HDAC6: variants seen among roughly 807,000 people sequenced by gnomAD.
HDAC6 encodes the protein histone deacetylase 6, also known as protein deacetylase HDAC6.
HDAC6 carries 5 observed loss-of-function variants against 88.9 expected under a neutral mutation model. That is an observed-to-expected ratio of 0.06 (90% confidence interval 0.03 to 0.12). HDAC6 has a LOEUF of 0.12. Among genes scored for constraint, HDAC6 ranks in the 10% least tolerant of loss-of-function variants. The pLI is 1.00. For missense variants in HDAC6, 706 were observed against 1,014.4 expected (o/e 0.70, Z 4.13); for synonymous variants, 378 against 398.0 (o/e 0.95, Z 0.60).
At position 48,813,129 on chromosome X, in the gene HDAC6, G is replaced by A. The variant is rs182012626; in HGVS notation, c.807-1311G>A. Among the ~76,000 whole-genome samples the A allele has an allele frequency of 6.6e-3, 740 of 112,113 alleles. 8 individuals are homozygous for A. The highest frequency in any genetic ancestry group is 0.011 in the Non-Finnish European group (602 of 53,176). On this transcript the variant is annotated intron_variant, in intron 10 of 28. Transcript: ENST00000334136. ...TCGCCATGTTGGCCATGCTGGTCTCGAACTTCTGGCCTCTAGTGATCCGCC... is the reference window on the plus strand; with the variant it reads ...TCGCCATGTTGGCCATGCTGGTCTCAAACTTCTGGCCTCTAGTGATCCGCC...
upstream of HDAC6, chrX:48,801,738 T>G: frequency 3.3e-6 from 2 of 604,400 alleles, no homozygotes; most frequent in Non-Finnish European, 4.5e-6. Context: ...CCGCCGCTTG[T>G]GAGCTCGCGA....
chrX:48,821,445 C>G (rs1388647165), intron 23 of HDAC6, among the ~76,000 whole-genome samples: 1 of 106,482 alleles, frequency 9.4e-6, no homozygotes, highest in African/African-American at 3.4e-5. Context: ...CCTGCCTCAG[C>G]CTCCCAAAGT....
Position 48,805,489 on chromosome X carries a change from G to A in HDAC6, c.363G>A (p.Gln121=). The change falls in exon 5 of 29, where the codon CAG becomes CAA. Residue 121 remains glutamine (Q), a synonymous_variant. Transcript: ENST00000334136. ...ATGCCATCAAGGAGCAACTGATCCA[G>A]GAGGGCCTCCTAGATCGCTGCGTGT... ...RLHAIKEQLI[Q]EGLLDRCVSF... is the part of the protein sequence containing the mutation. The A allele has an allele frequency of 8.3e-7, 1 of 1,210,524 alleles. No individual in the cohort carries two copies. The highest frequency in any genetic ancestry group is 1.1e-6 in the Non-Finnish European group (1 of 894,604).
chrX:48,805,974 C>T (rs1013845128), intron 6 of HDAC6: 1 of 396,043 alleles, frequency 2.5e-6, no homozygotes, highest in Non-Finnish European at 4.4e-6. Context: ...ACAGAGTGAT[C>T]GGGGTTCCCC....
intron 23 of HDAC6, among the ~76,000 whole-genome samples, chrX:48,821,544 C>G (rs1287455946): frequency 1.9e-3 from 192 of 101,947 alleles, no homozygotes; most frequent in Non-Finnish European, 3.3e-3. Context: ...GCCGTGTCAC[C>G]CAGGCTGGAG....
upstream of HDAC6, chrX:48,801,844 A>G: frequency 7.2e-6 from 7 of 971,609 alleles, no homozygotes; most frequent in Non-Finnish European, 9.3e-6. Flanking sequence ...CCAATGGAAA[A>G]GAAAAGCCTG....
At chrX:48,803,070 T>C in intron 3 of HDAC6, 58 bp from the exon 4 acceptor site, 1 of 1,184,389 alleles carries the variant, frequency 8.4e-7, no homozygotes, top group South Asian at 1.8e-5. Context: ...CCCTGGACAG[T>C]TCCCTCTGAC....
Position 48,824,947 on chromosome X carries a change from A to T in HDAC6, c.*335A>T. On this transcript the variant is annotated 3_prime_UTR_variant, in exon 29 of 29. Transcript: ENST00000334136. ...TAACTGGCAGGCATGGCAAGGTTGCATATGTAATAAAGTACAAGCTGTTAA... is the reference window on the plus strand; with the variant it reads ...TAACTGGCAGGCATGGCAAGGTTGCTTATGTAATAAAGTACAAGCTGTTAA... 1 of 1,037,799 alleles carries T rather than the reference A, an allele frequency of 9.6e-7. No individual in the cohort carries two copies. Among genetic ancestry groups the T allele is most frequent in the Non-Finnish European group, 1.3e-6 (1 of 798,910 alleles). The allele number at this position is 1,037,799 out of a possible 1,213,427, so 85.5% of individuals were successfully genotyped here.
At position 48,802,757 on chromosome X, in the gene HDAC6, C is replaced by T; in HGVS notation, c.65C>T (p.Ser22Leu). The T allele has an allele frequency of 8.3e-7, 1 of 1,208,482 alleles. No individual in the cohort carries two copies. The highest frequency in any genetic ancestry group is 1.1e-6 in the Non-Finnish European group (1 of 893,797). Reference protein sequence around the residue: ...RQRRSRQNPQSPPQDSSVTSK... With the variant: ...RQRRSRQNPQLPPQDSSVTSK... ...CGAAGAAGTAGGCAGAACCCCCAGT[C>T]GCCCCCTCAGGACTCCAGTGTCACT... Residue 22 changes from serine to leucine, a missense_variant, in exon 2 of 29, where the codon TCG becomes TTG. By Grantham distance (145) the Ser-to-Leu change is moderately radical (BLOSUM62 -2). This residue lies in a region of HDAC6 where 193 missense variants were observed against 258.2 expected (regional missense o/e 0.75). Transcript: ENST00000334136.
At chrX:48,813,941 C>T (rs1428751985) in intron 10 of HDAC6, 1 of 114,392 alleles carries the variant, frequency 8.7e-6, no homozygotes, top group Non-Finnish European at 1.8e-5. Flanking sequence ...TTAGCTGGCT[C>T]CCCGCAGCTA....
In HDAC6 at chrX:48,823,366, A is replaced by T. The variant is rs782690281; in HGVS notation, c.2967A>T (p.Thr989=). The change falls in exon 25 of 29, where the codon ACA becomes ACT. Residue 989 remains threonine, a synonymous_variant. Coordinates refer to ENST00000334136, the MANE Select transcript of HDAC6 (RefSeq NM_006044.4). ...CAGAGGAGGCTGTAGGAGGAGCTACACTGGCCCAGACCACCTCGGAGGCAG... is the reference window on the plus strand; with the variant it reads ...CAGAGGAGGCTGTAGGAGGAGCTACTCTGGCCCAGACCACCTCGGAGGCAG... ...TTSEEAVGGA[T]LAQTTSEAAM... 26 of 1,203,788 alleles carry T rather than the reference A, an allele frequency of 2.2e-5. No individual in the cohort carries two copies. The East Asian group carries it at 6.5e-4, about 30-fold the overall frequency.
At chrX:48,816,767 G>T in intron 19 of HDAC6, 134 bp downstream of exon 19, 1 of 487,194 alleles carries the variant, frequency 2.1e-6, no homozygotes, top group Non-Finnish European at 3.2e-6. Flanking sequence ...CACGGGAGGG[G>T]GTGGGCCTAG....
intron 19 of HDAC6, 120 bp from the exon 20 acceptor site, chrX:48,817,206 G>A (rs2063001831): frequency 1.2e-6 from 1 of 823,131 alleles, no homozygotes; most frequent in Non-Finnish European, 1.6e-6. Context: ...GAGCCGAGAT[G>A]GCGCCACTGC....
chrX:48,814,381 G>A (rs2075840), intron 10 of HDAC6, 59 bp from the exon 11 acceptor site: 237,814 of 1,161,927 alleles, frequency 0.2, 17,503 homozygotes, highest in South Asian at 0.34. Flanking sequence ...TGTTGGGTTG[G>A]GGGTGTCTAT....
chrX:48,823,723 G>T lies in HDAC6; in HGVS notation c.3241G>T (p.Ala1081Ser), dbSNP rs782129125. ...AGAGGAGAACCTACTAGGAGAGGCA[G>T]CTGGAGGTCAGGACATGGCTGATTC... ...PGEENLLGEAAGGQDMADSML... is the reference protein window; with the variant it reads ...PGEENLLGEASGGQDMADSML... Residue 1081 changes from alanine (A) to serine (S), a missense_variant, in exon 26 of 29, where the codon GCT becomes TCT. Physicochemically the swap from Ala to Ser is moderately conservative, Grantham distance 99 (BLOSUM62 1). This residue lies in a region of HDAC6 where 112 missense variants were observed against 95.1 expected (regional missense o/e 1.18). Transcript: ENST00000334136. The T allele has an allele frequency of 8.3e-7, 1 of 1,210,605 alleles. No homozygotes were observed. The highest frequency in any genetic ancestry group is 1.1e-6 in the Non-Finnish European group (1 of 894,762).
chrX:48,805,978 G>T, intron 6 of HDAC6: 1 of 395,032 alleles, frequency 2.5e-6, no homozygotes, highest in Non-Finnish European at 4.4e-6. Context: ...AGTGATCGGG[G>T]TTCCCCCAGG....
intron 23 of HDAC6, 71 bp downstream of exon 23, chrX:48,820,326 C>A: frequency 1.1e-6 from 1 of 950,658 alleles, no homozygotes; most frequent in Non-Finnish European, 1.4e-6. Flanking sequence ...TCACTCAGGA[C>A]AGTTTCCTGA....
At chrX:48,805,784 G>A (rs2062807877) in intron 6 of HDAC6, 113 bp downstream of exon 6, 1 of 594,569 alleles carries the variant, frequency 1.7e-6, no homozygotes, top group African/African-American at 2.3e-5. Context: ...CCTTGGGCAA[G>A]TCGCTGAGCC....
At chrX:48,819,593 G>C (rs1602271156) in intron 22 of HDAC6, 1 of 159,909 alleles carries the variant, frequency 6.3e-6, no homozygotes, top group East Asian at 1.8e-4. Context: ...ACCCAGGCTA[G>C]AGTGCAGTGG....
Sources: gnomAD v4.1 joint callset for allele counts (sites outside exome capture counted in the v4.1 genomes callset) on GRCh38, gnomAD v4.1.1 for gene constraint, gnomAD v4.1.1 regional missense constraint, MANE v1.5 for transcripts, NCBI Gene and HGNC (gene_info 2026-07-23, HGNC 2026-07-21) for gene names.